The following ZNF277 variants were observed in gnomAD, a reference collection of about 807,000 sequenced individuals.
ZNF277 encodes the protein nuclear receptor-interacting factor 4.
Under a neutral mutation model 60.7 loss-of-function variants are expected in ZNF277, and 55 were observed. The ratio of observed to expected loss-of-function variants is 0.91; its 90% CI spans 0.73 to 1.13. ZNF277 has a LOEUF of 1.13. Among genes scored for constraint, ZNF277 ranks in the 50% most tolerant of loss-of-function variants. The pLI is 0.00. For synonymous variants in ZNF277, 178 were observed against 179.3 expected (o/e 0.99, Z 0.06); for missense variants, 510 against 523.0 (o/e 0.98, Z 0.24).
rs562782383 is a variant in ZNF277, at chr7:112,295,875, T to G, written c.300T>G (p.Ile100Met). The G allele has an allele frequency of 6.2e-7, 1 of 1,611,392 alleles. No individual in the cohort carries two copies. Among genetic ancestry groups the G allele is most frequent in the South Asian group, 1.1e-5 (1 of 90,974 alleles). Reference sequence around the variant, plus strand: ...TATTTTATGTTGTTCTAAGGTACATTTTATATTGGAGGAAAAGGTTCACTG... The same window carrying G: ...TATTTTATGTTGTTCTAAGGTACATGTTATATTGGAGGAAAAGGTTCACTG... ...VKLVADFQRY[I>M]LYWRKRFTEQ... Residue 100 changes from isoleucine to methionine, a missense_variant, in exon 3 of 12, where the codon ATT becomes ATG. By Grantham distance (10) the Ile-to-Met change is conservative (BLOSUM62 1). Coordinates refer to ENST00000361822, the MANE Select transcript of ZNF277 (RefSeq NM_021994.3).
chr7:112,261,026 C>G (rs375112286), intron 1 of ZNF277, among the ~76,000 whole-genome samples: 2 of 152,110 alleles, frequency 1.3e-5, no homozygotes, highest in East Asian at 3.8e-4. Flanking sequence ...GTTACCCAAC[C>G]CTTAATTAGT....
chr7:112,269,913 C>T (rs963089339), intron 1 of ZNF277, among the ~76,000 whole-genome samples: 1 of 152,174 alleles, frequency 6.6e-6, no homozygotes, highest in African/African-American at 2.4e-5. Flanking sequence ...TACTCTAATA[C>T]CATATTTGTG....
rs764539582 is a variant in ZNF277, at chr7:112,296,888, TTTTATTTATTTA to T, written c.465+593_465+604del. Among the ~76,000 whole-genome samples the T allele has an allele frequency of 3.1e-3, 190 of 62,096 alleles. 1 individual carries two copies. The highest frequency in any genetic ancestry group is 1.0e-2 in the East Asian group (22 of 2,204). The allele number at this position is 62,096 out of a possible 152,430, so 40.7% of individuals were successfully genotyped here. ...ATTTTATTTTATTTTCTTATTTTTA[TTTTATTTATTTA>T]TTTATTTATTTATTTTTTTTTTTTT... On this transcript the variant is annotated intron_variant, in intron 4 of 11. Coordinates refer to ENST00000361822, the MANE Select transcript of ZNF277 (RefSeq NM_021994.3).
chr7:112,326,083 T>A (rs1482378284), intron 5 of ZNF277, among the ~76,000 whole-genome samples: 1 of 152,146 alleles, frequency 6.6e-6, no homozygotes, highest in African/African-American at 2.4e-5. Context: ...TCAGCTCCCC[T>A]GAGTACATTC....
At chr7:112,236,005 C>A (rs1271596865) in intron 1 of ZNF277, among the ~76,000 whole-genome samples, 2 of 151,948 alleles carry the variant, frequency 1.3e-5, no homozygotes, top group African/African-American at 4.8e-5. Flanking sequence ...TATCCAGTTT[C>A]AGCACCATTT....
chr7:112,258,180 C>A (rs1033888412), intron 1 of ZNF277, among the ~76,000 whole-genome samples: 1 of 151,918 alleles, frequency 6.6e-6, no homozygotes. Flanking sequence ...GTTTGTAGGT[C>A]CTGAGAGAGT....
At chr7:112,232,838 T>G (rs1413925293) in intron 1 of ZNF277, among the ~76,000 whole-genome samples, 1 of 152,138 alleles carries the variant, frequency 6.6e-6, no homozygotes. Flanking sequence ...AGCCTAAGGT[T>G]TTCTGAATGA....
intron 1 of ZNF277, among the ~76,000 whole-genome samples, chr7:112,285,969 A>G (rs748723012): frequency 2.6e-5 from 4 of 152,104 alleles, no homozygotes; most frequent in Non-Finnish European, 5.9e-5. Context: ...CAGAGGCCTT[A>G]CCCTAGTTTC....
At chr7:112,325,431 T>G (rs546901959) in intron 5 of ZNF277, among the ~76,000 whole-genome samples, 1 of 152,312 alleles carries the variant, frequency 6.6e-6, no homozygotes, top group South Asian at 2.1e-4. Flanking sequence ...CCTGGCTCAA[T>G]TTTGGCCCAC....
chr7:112,342,126 C>T (rs1793456028), intron 11 of ZNF277, among the ~76,000 whole-genome samples: 1 of 152,100 alleles, frequency 6.6e-6, no homozygotes, highest in Non-Finnish European at 1.5e-5. Flanking sequence ...AGTTTGTTAA[C>T]TTATAAGGAA....
intron 4 of ZNF277, 70 bp from the exon 5 acceptor site, chr7:112,318,112 C>A: frequency 7.6e-7 from 1 of 1,324,470 alleles, no homozygotes; most frequent in Non-Finnish European, 1.1e-6. Flanking sequence ...TCCTCCCATC[C>A]AGACTTTGAC....
intron 4 of ZNF277, among the ~76,000 whole-genome samples, chr7:112,297,291 G>T (rs1270433427): frequency 1.3e-5 from 2 of 152,036 alleles, no homozygotes; most frequent in Admixed American, 6.6e-5. Flanking sequence ...TTGTTTAAAA[G>T]TACATGGGTT....
rs531781057 is a variant in ZNF277, at chr7:112,224,152, A to G, written c.91+17345A>G. Reference sequence around the variant, plus strand: ...AAGAAAAACTAGAGCTGGACAGTAAACTGGCAGAAAAAATATTTTATTCAG... The same window carrying G: ...AAGAAAAACTAGAGCTGGACAGTAAGCTGGCAGAAAAAATATTTTATTCAG... On this transcript the variant is annotated intron_variant, in intron 1 of 11. Transcript: ENST00000361822. 8.0e-4 allele frequency among the ~76,000 whole-genome samples: 122 copies of G among 152,292 alleles called. 2 individuals carry two copies. The South Asian group carries it at 0.025, about 31-fold the overall frequency.
intron 7 of ZNF277, among the ~76,000 whole-genome samples, chr7:112,331,568 C>G (rs1186905617): frequency 1.3e-5 from 2 of 152,146 alleles, no homozygotes; most frequent in African/African-American, 4.8e-5. Context: ...TTTGTCTGTT[C>G]TAACTATTCC....
Position 112,340,913 on chromosome 7 carries a change from C to T in ZNF277, c.1051C>T (p.Arg351Trp), listed in dbSNP as rs369502185. 8.7e-6 allele frequency: 14 copies of T among 1,611,256 alleles called. No homozygotes were observed. The highest frequency in any genetic ancestry group is 2.2e-5 in the South Asian group (2 of 89,944). ...GCAAGTGAAACTGGTCAATTTTATT[C>T]GGAGGCAAGTTCACCAATGCAGATG... ...YQQVKLVNFI[R>W]RQVHQCRCYG... Residue 351 changes from arginine (R) to tryptophan (W), a missense_variant, in exon 11 of 12, where the codon CGG becomes TGG. Arg to Trp is a moderately radical substitution (Grantham distance 101). Transcript: ENST00000361822.
At chr7:112,237,401 CA>C (rs370546606) in intron 1 of ZNF277, among the ~76,000 whole-genome samples, 3 of 150,194 alleles carry the variant, frequency 2.0e-5, no homozygotes, top group Admixed American at 1.3e-4. Flanking sequence ...TTGAAACAAA[CA>C]AAAAAAATCA....
chr7:112,289,898 T>C (rs1006521697), intron 2 of ZNF277, among the ~76,000 whole-genome samples: 11 of 152,192 alleles, frequency 7.2e-5, no homozygotes, highest in African/African-American at 2.6e-4. Flanking sequence ...GCTAATTTTT[T>C]TTTTTTCTTA....
In ZNF277 at chr7:112,263,423, C is replaced by G. The variant is rs74434192; in HGVS notation, c.92-23450C>G. 9.1e-3 allele frequency among the ~76,000 whole-genome samples: 1,380 copies of G among 152,322 alleles called. 17 individuals are homozygous for G. The highest frequency in any genetic ancestry group is 0.031 in the African/African-American group (1,296 of 41,574). On this transcript the variant is annotated intron_variant, in intron 1 of 11. Transcript: ENST00000361822. ...TTCTTACTACTTAACAATAATAAAA[C>G]TGCCTTCCTCATAGGACATTTCTGA...
chr7:112,206,920 G>T, intron 1 of ZNF277, 113 bp downstream of exon 1: 1 of 1,036,980 alleles, frequency 9.6e-7, no homozygotes, highest in Non-Finnish European at 1.4e-6. Context: ...GGCCACCTGG[G>T]TTCGACTGGG....
Sources: allele counts gnomAD v4.1 joint callset (sites outside exome capture counted in the v4.1 genomes callset), GRCh38; gene constraint gnomAD v4.1.1; transcripts MANE v1.5; gene names NCBI Gene and HGNC (gene_info 2026-07-23, HGNC 2026-07-21).